The following ZNF385D variants were observed in gnomAD, a reference collection of about 807,000 sequenced individuals.
ZNF385D encodes zinc finger protein 659.
Under a neutral mutation model 35.8 loss-of-function variants are expected in ZNF385D, and 15 were observed. That is an observed-to-expected ratio of 0.42 (90% confidence interval 0.28 to 0.64). The LOEUF (loss-of-function observed/expected upper bound fraction) is 0.64. Ranked by LOEUF, ZNF385D falls within the 30% of genes least tolerant of loss-of-function variation. The pLI is 0.23. For synonymous variants in ZNF385D, 212 were observed against 186.8 expected (o/e 1.13, Z -1.10); for missense variants, 474 against 494.6 (o/e 0.96, Z 0.39).
intron 4 of ZNF385D, among the ~76,000 whole-genome samples, chr3:21,476,287 GT>G (rs1704240818): frequency 6.6e-6 from 1 of 152,012 alleles, no homozygotes; most frequent in Non-Finnish European, 1.5e-5. Context: ...TTATTTAATT[GT>G]TCATTCAGCC....
At chr3:21,809,636 A>C (rs2072815139) in intron 3 of ZNF385D, among the ~76,000 whole-genome samples, 1 of 145,632 alleles carries the variant, frequency 6.9e-6, no homozygotes, top group Non-Finnish European at 1.5e-5. Flanking sequence ...ACACATATAT[A>C]CACATATACA....
chr3:21,893,835 C>A (rs1219965120), intron 3 of ZNF385D, among the ~76,000 whole-genome samples: 6 of 152,218 alleles, frequency 3.9e-5, no homozygotes, highest in Admixed American at 3.9e-4. Context: ...GCAACCATCT[C>A]TGCAGACTTT....
intron 3 of ZNF385D, among the ~76,000 whole-genome samples, chr3:22,130,677 G>A (rs1703731216): frequency 6.6e-6 from 1 of 152,136 alleles, no homozygotes; most frequent in African/African-American, 2.4e-5. Flanking sequence ...ATTTGACACT[G>A]CTGGGAGATA....
intron 2 of ZNF385D, among the ~76,000 whole-genome samples, chr3:22,243,074 A>G (rs1355561675): frequency 6.6e-6 from 1 of 151,166 alleles, no homozygotes; most frequent in Non-Finnish European, 1.5e-5. Flanking sequence ...TGCATTAAAT[A>G]GCACTATCAA....
intron 3 of ZNF385D, among the ~76,000 whole-genome samples, chr3:22,043,400 A>G (rs968594241): frequency 6.6e-6 from 1 of 152,146 alleles, no homozygotes; most frequent in African/African-American, 2.4e-5. Flanking sequence ...TGCTACAAAC[A>G]TAGGCATAGA....
intron 1 of ZNF385D, among the ~76,000 whole-genome samples, chr3:21,691,516 A>G (rs964838042): frequency 1.3e-5 from 2 of 152,034 alleles, no homozygotes; most frequent in Admixed American, 1.3e-4. Context: ...TTTGTGCCCA[A>G]CCTTTTCTCC....
chr3:21,751,498 C>T, upstream of ZNF385D: 2 of 968,344 alleles, frequency 2.1e-6, no homozygotes. Context: ...CACTTTTACC[C>T]CGCCCCTCCT....
At chr3:21,513,317 C>A (rs1281769961) in intron 3 of ZNF385D, among the ~76,000 whole-genome samples, 1 of 152,044 alleles carries the variant, frequency 6.6e-6, no homozygotes, top group Non-Finnish European at 1.5e-5. Context: ...TGAAACAGCT[C>A]AGGGAGTTGT....
At chr3:21,575,058 G>C (rs1214445833) in intron 2 of ZNF385D, among the ~76,000 whole-genome samples, 1 of 152,102 alleles carries the variant, frequency 6.6e-6, no homozygotes, top group East Asian at 1.9e-4. Flanking sequence ...GTAAAATTCA[G>C]AGTGAAACAA....
chr3:21,642,688 G>A (rs1056527866), intron 2 of ZNF385D, among the ~76,000 whole-genome samples: 4 of 152,026 alleles, frequency 2.6e-5, no homozygotes, highest in African/African-American at 9.7e-5. Context: ...AGTCAAAAAA[G>A]CATAAATGGC....
intron 2 of ZNF385D, among the ~76,000 whole-genome samples, chr3:22,271,128 G>C (rs1396064460): frequency 6.6e-6 from 1 of 151,844 alleles, no homozygotes; most frequent in Admixed American, 6.6e-5. Flanking sequence ...TCAGTCATCT[G>C]TTCATTCATT....
chr3:22,087,536 A>T (rs975564874), intron 3 of ZNF385D, among the ~76,000 whole-genome samples: 1 of 152,156 alleles, frequency 6.6e-6, no homozygotes, highest in African/African-American at 2.4e-5. Context: ...TGATGACTGG[A>T]ACCAGGGAGA....
chr3:22,040,573 C>T (rs966327756), intron 3 of ZNF385D, among the ~76,000 whole-genome samples: 1 of 152,158 alleles, frequency 6.6e-6, no homozygotes, highest in African/African-American at 2.4e-5. Flanking sequence ...GATAATCACA[C>T]ATTTTCTGAA....
At chr3:21,806,249 A>G (rs2072641101) in intron 3 of ZNF385D, among the ~76,000 whole-genome samples, 10 of 149,846 alleles carry the variant, frequency 6.7e-5, no homozygotes. Context: ...GGTTATACCA[A>G]TCTAAACTCT....
At chr3:21,791,065 A>G (rs1353334075) in intron 3 of ZNF385D, among the ~76,000 whole-genome samples, 3 of 152,338 alleles carry the variant, frequency 2.0e-5, no homozygotes, top group African/African-American at 7.2e-5. Flanking sequence ...TTTATTCTCA[A>G]TTTACCAGAG....
intron 4 of ZNF385D, among the ~76,000 whole-genome samples, chr3:21,468,645 G>T (rs1156295178): frequency 6.6e-6 from 1 of 152,106 alleles, no homozygotes; most frequent in African/African-American, 2.4e-5. Context: ...CGTAGTATGG[G>T]CAGGGGGCGG....
At chr3:22,292,458 G>A (rs745869221) in intron 2 of ZNF385D, among the ~76,000 whole-genome samples, 18 of 151,948 alleles carry the variant, frequency 1.2e-4, no homozygotes, top group Non-Finnish European at 2.2e-4. Flanking sequence ...TCTGTGTTTT[G>A]GTAAGTTCTT....
At position 22,082,647 on chromosome 3, in the gene ZNF385D, A is replaced by C. The variant is rs546096624; in HGVS notation, c.325+86170T>G. ...AGGGCATAGCTGAACAAAAGGCAGC[A>C]GAAACGTCTGCAGACTTAAACATCC... On this transcript the variant is annotated intron_variant, in intron 3 of 5. Coordinates refer to the ZNF385D transcript ENST00000494108. Among the ~76,000 whole-genome samples the C allele has an allele frequency of 2.6e-5, 4 of 152,342 alleles. No homozygotes were observed. The South Asian group carries it at 8.3e-4, about 32-fold the overall frequency.
chr3:21,978,661 A>T (rs1169577291), intron 3 of ZNF385D, among the ~76,000 whole-genome samples: 4 of 152,192 alleles, frequency 2.6e-5, no homozygotes, highest in Non-Finnish European at 4.4e-5. Flanking sequence ...TTATGAGTAC[A>T]AGACATTTCT....
Sources: gnomAD v4.1 joint callset for allele counts (sites outside exome capture counted in the v4.1 genomes callset) on GRCh38, gnomAD v4.1.1 for gene constraint, MANE v1.5 for transcripts, NCBI Gene and HGNC (gene_info 2026-07-23, HGNC 2026-07-21) for gene names.